CNOT1: variants seen among roughly 807,000 people sequenced by gnomAD.
The protein encoded by CNOT1 is CCR4-associated factor 1.
CNOT1 carries 15 observed loss-of-function variants against 273.8 expected under a neutral mutation model. The ratio of observed to expected loss-of-function variants is 0.05; its 90% CI spans 0.04 to 0.08. CNOT1 has a LOEUF of 0.08. Among genes scored for constraint, CNOT1 ranks in the 10% least tolerant of loss-of-function variants. The probability of loss-of-function intolerance (pLI) is 1.00; values close to 1 mark genes in which losing one functional copy is unlikely to be tolerated. For synonymous variants in CNOT1, 1,022 were observed against 1,005.5 expected (o/e 1.02, Z -0.31); for missense variants, 1,644 against 2,912.2 (o/e 0.56, Z 10.02).
intron 31 of CNOT1, chr16:58,543,175 T>G (rs2040147536): frequency 1.4e-6 from 2 of 1,447,390 alleles, no homozygotes; most frequent in African/African-American, 1.4e-5. Context: ...ATACCTGAAT[T>G]ATTAACCATG....
In CNOT1 at chr16:58,583,999, T is replaced by C. The variant is rs555965889; in HGVS notation, c.807-817A>G. Among the ~76,000 whole-genome samples the C allele has an allele frequency of 6.0e-3, 910 of 151,546 alleles. 6 individuals are homozygous for C. The highest frequency in any genetic ancestry group is 0.015 in the South Asian group (74 of 4,790). On this transcript the variant is annotated intron_variant, in intron 8 of 48. Coordinates refer to ENST00000317147, the MANE Select transcript of CNOT1 (RefSeq NM_016284.5). ...CTGGCTAACACAGTGAAACCCCATCTCTACTAAAAATACAAAGAATTATCT... is the reference window on the plus strand; with the variant it reads ...CTGGCTAACACAGTGAAACCCCATCCCTACTAAAAATACAAAGAATTATCT...
At chr16:58,521,113 C>G (rs1231920234) in intron 48 of CNOT1, 70 bp downstream of exon 48, 13 of 1,613,050 alleles carry the variant, frequency 8.1e-6, no homozygotes, top group Non-Finnish European at 1.1e-5. Context: ...TCAGCTGACC[C>G]AACCTAGAGA....
intron 1 of CNOT1, among the ~76,000 whole-genome samples, chr16:58,627,180 G>A (rs936740334): frequency 7.2e-5 from 11 of 151,992 alleles, no homozygotes; most frequent in Admixed American, 2.0e-4. Context: ...AGGGTGAGGC[G>A]GGTGGATCAT....
intron 34 of CNOT1, among the ~76,000 whole-genome samples, chr16:58,540,932 A>G (rs1429790620): frequency 6.6e-6 from 1 of 152,216 alleles, no homozygotes; most frequent in African/African-American, 2.4e-5. Context: ...AAGGCTGGGC[A>G]CAATGGCTCA....
Position 58,532,555 on chromosome 16 carries a change from A to T in CNOT1, c.5896-160T>A, listed in dbSNP as rs555361878. 241 of 1,322,576 alleles carry T rather than the reference A, an allele frequency of 1.8e-4. 4 individuals are homozygous for T. In the South Asian group the frequency reaches 3.7e-3, roughly 20 times the overall value. 81.9% of individuals were successfully genotyped at this position (1,322,576 alleles called of 1,614,324 possible). A position where few individuals can be genotyped will look rare whatever the true frequency, so the allele number is the denominator to read the frequency against. On this transcript the variant is annotated intron_variant, in intron 40 of 48. Coordinates refer to ENST00000317147, the MANE Select transcript of CNOT1 (RefSeq NM_016284.5). Reference sequence around the variant, plus strand: ...ACATGCTGGCAGCCGATAGGGTCATAAATTGGTCTGACTCCGCCTTCAGTG... The same window carrying T: ...ACATGCTGGCAGCCGATAGGGTCATTAATTGGTCTGACTCCGCCTTCAGTG...
intron 2 of CNOT1, among the ~76,000 whole-genome samples, chr16:58,598,800 G>A (rs567099958): frequency 1.3e-5 from 2 of 152,128 alleles, no homozygotes; most frequent in African/African-American, 2.4e-5. Context: ...GGTGGCTCAC[G>A]CCTGTAATCC....
Position 58,549,385 on chromosome 16 carries a change from A to G in CNOT1, c.3522+334T>C, listed in dbSNP as rs555592162. Among the ~76,000 whole-genome samples the G allele has an allele frequency of 2.6e-5, 4 of 152,274 alleles. No individual in the cohort carries two copies. In the South Asian group the frequency reaches 8.3e-4, roughly 32 times the overall value. ...GAGAAAAAAAAGTAAGTGAAAAAAA[A>G]AGAAAAGGATGTACAGAGGGCGACA... On this transcript the variant is annotated intron_variant, in intron 25 of 48. Coordinates refer to ENST00000317147, the MANE Select transcript of CNOT1 (RefSeq NM_016284.5).
At position 58,520,823 on chromosome 16, in the gene CNOT1, C is replaced by T. The variant is rs1050184268; in HGVS notation, c.*135G>A. The T allele has an allele frequency of 4.5e-6, 4 of 879,696 alleles. No homozygotes were observed. Among genetic ancestry groups the T allele is most frequent in the Non-Finnish European group, 3.6e-6 (2 of 558,820 alleles). 54.5% of individuals were successfully genotyped at this position (879,696 alleles called of 1,614,324 possible). A position where few individuals can be genotyped will look rare whatever the true frequency, so the allele number is the denominator to read the frequency against. On this transcript the variant is annotated 3_prime_UTR_variant, in exon 49 of 49. Transcript: ENST00000317147. ...ACATAAGACAGGAGGCTGATCCCAA[C>T]AGTAGTTGGGGCAGATACCCACAAA...
At chr16:58,587,656 A>G in intron 4 of CNOT1, 124 bp downstream of exon 4, 1 of 1,193,966 alleles carries the variant, frequency 8.4e-7, no homozygotes, top group Non-Finnish European at 1.2e-6. Context: ...AAACTATAAA[A>G]GACACCCCAA....
chr16:58,547,177 T>G lies in CNOT1; in HGVS notation c.3750+9A>C. 6.2e-7 allele frequency: 1 copy of G among 1,602,244 alleles called. No homozygotes were observed. Among genetic ancestry groups the G allele is most frequent in the Non-Finnish European group, 8.5e-7 (1 of 1,175,598 alleles). The stretch of plus-strand genomic sequence containing the variant: ...ATTAGTCATAAATAAAATATTAAAA[T>G]CTACTCACCACACTACGAATGCTAG... On this transcript the variant is annotated intron_variant, in intron 27 of 48. Coordinates refer to ENST00000317147, the MANE Select transcript of CNOT1 (RefSeq NM_016284.5). The surrounding 1 kb of genome is among the most constrained non-coding windows in gnomAD (Gnocchi z 4.0).
chr16:58,530,522 C>T, intron 42 of CNOT1, 175 bp from the exon 43 acceptor site: 1 of 435,156 alleles, frequency 2.3e-6, no homozygotes, highest in South Asian at 5.4e-5. Context: ...GTGGCTGACG[C>T]CTGTAATCCC....
chr16:58,521,057 C>G (rs757513240), intron 48 of CNOT1, 21 bp from the exon 49 acceptor site: 2 of 1,613,996 alleles, frequency 1.2e-6, no homozygotes, highest in East Asian at 2.2e-5. Flanking sequence ...AAGACAGTTA[C>G]AAATCTCTGA....
Position 58,547,946 on chromosome 16 carries a change from A to C in CNOT1, c.3523-264T>G, listed in dbSNP as rs751550982. Among the ~76,000 whole-genome samples, 2 of 152,204 alleles carry C rather than the reference A, an allele frequency of 1.3e-5. No individual in the cohort carries two copies. Among genetic ancestry groups the C allele is most frequent in the Non-Finnish European group, 2.9e-5 (2 of 68,034 alleles). ...ACACATTGCACAAAATTCAAAAAGA[A>C]CACAAAGTTATGTGCCAGCTATCCT... On this transcript the variant is annotated intron_variant, in intron 25 of 48. Coordinates refer to ENST00000317147, the MANE Select transcript of CNOT1 (RefSeq NM_016284.5). The surrounding 1 kb of genome is among the most constrained non-coding windows in gnomAD (Gnocchi z 4.0).
At chr16:58,532,969 A>G (rs1160738440) in intron 40 of CNOT1, 1 of 153,724 alleles carries the variant, frequency 6.5e-6, no homozygotes, top group Non-Finnish European at 1.4e-5. Flanking sequence ...AAATCAAGCC[A>G]ATGACTAATA....
intron 2 of CNOT1, among the ~76,000 whole-genome samples, chr16:58,593,588 G>A (rs560886769): frequency 5.4e-5 from 8 of 147,490 alleles, no homozygotes; most frequent in Non-Finnish European, 1.2e-4. Context: ...AAAAAAGTTA[G>A]CCAGGCATGG....
chr16:58,588,334 A>T (rs1181299408), intron 3 of CNOT1, among the ~76,000 whole-genome samples: 1 of 152,138 alleles, frequency 6.6e-6, no homozygotes, highest in Non-Finnish European at 1.5e-5. Context: ...AAAAGATGTA[A>T]AGAAAGTTAT....
At chr16:58,617,823 T>C (rs894743229) in intron 1 of CNOT1, among the ~76,000 whole-genome samples, 5 of 152,138 alleles carry the variant, frequency 3.3e-5, no homozygotes, top group African/African-American at 7.2e-5. Context: ...TTGGGCAACA[T>C]AGCAAGACCC....
intron 2 of CNOT1, among the ~76,000 whole-genome samples, chr16:58,589,130 G>A (rs2041968884): frequency 6.6e-6 from 1 of 151,972 alleles, no homozygotes; most frequent in Non-Finnish European, 1.5e-5. Flanking sequence ...TCCAACTCCT[G>A]GACTCACAGC....
intron 39 of CNOT1, among the ~76,000 whole-genome samples, chr16:58,536,121 T>C (rs1321513945): frequency 2.0e-5 from 3 of 152,192 alleles, no homozygotes; most frequent in Non-Finnish European, 4.4e-5. Flanking sequence ...GAGACCTAAT[T>C]TGTAATCTTT....
Sources: allele counts gnomAD v4.1 joint callset (sites outside exome capture counted in the v4.1 genomes callset), GRCh38; gene constraint gnomAD v4.1.1; non-coding constraint Gnocchi (gnomAD v3.1); transcripts MANE v1.5; gene names NCBI Gene and HGNC (gene_info 2026-07-23, HGNC 2026-07-21).